Variants in SMAD6 observed in about 807,000 individuals in gnomAD.
SMAD6 encodes the protein MAD homolog 6.
Under a neutral mutation model 39.4 loss-of-function variants are expected in SMAD6, and 103 were observed. The ratio of observed to expected loss-of-function variants is 2.62; its 90% CI spans 2.23 to 3.08. SMAD6 has a LOEUF of 3.08. SMAD6 is among the 30% of genes most tolerant of loss of function. SMAD6 has a pLI of 0.00. For missense variants in SMAD6, 1,104 were observed against 742.9 expected (o/e 1.49, Z -5.65); for synonymous variants, 445 against 353.3 (o/e 1.26, Z -2.91).
chr15:66,707,462 C>T (rs1893138564), intron 1 of SMAD6: 1 of 152,220 alleles, frequency 6.6e-6, no homozygotes, highest in South Asian at 2.1e-4. Context: ...TTTATTTGGC[C>T]TGGCATTATC....
At chr15:66,772,099 TGTG>T (rs547671166) in intron 3 of SMAD6, among the ~76,000 whole-genome samples, 1 of 152,224 alleles carries the variant, frequency 6.6e-6, no homozygotes, top group Non-Finnish European at 1.5e-5. Flanking sequence ...TTGGAGTGGA[TGTG>T]GCTAGCTTCT....
intron 3 of SMAD6, among the ~76,000 whole-genome samples, chr15:66,749,737 G>A (rs1893968203): frequency 6.6e-6 from 1 of 152,186 alleles, no homozygotes; most frequent in Non-Finnish European, 1.5e-5. Context: ...AATGCATGGT[G>A]GAAGGTGCCT....
intron 1 of SMAD6, 89 bp downstream of exon 1, chr15:66,704,164 C>G: frequency 9.2e-7 from 1 of 1,086,592 alleles, no homozygotes; most frequent in Non-Finnish European, 1.2e-6. Flanking sequence ...CGGGTCGGCG[C>G]AGCTGCGGGT....
At chr15:66,743,488 G>T (rs1259554254) in intron 3 of SMAD6, among the ~76,000 whole-genome samples, 1 of 152,018 alleles carries the variant, frequency 6.6e-6, no homozygotes, top group Non-Finnish European at 1.5e-5. Flanking sequence ...TAGAAAAGAG[G>T]CTCTCAGAGA....
intron 3 of SMAD6, among the ~76,000 whole-genome samples, chr15:66,771,653 G>C (rs1167152542): frequency 6.6e-6 from 1 of 152,194 alleles, no homozygotes; most frequent in African/African-American, 2.4e-5. Context: ...GGTGGGCTCA[G>C]GGTCGGGATT....
intron 3 of SMAD6, among the ~76,000 whole-genome samples, chr15:66,763,923 A>G (rs1894247376): frequency 6.6e-6 from 1 of 152,240 alleles, no homozygotes. Flanking sequence ...TGCCAGAGCC[A>G]AGGGCTGCCA....
intron 1 of SMAD6, 42 bp from the exon 2 acceptor site, chr15:66,711,626 C>T (rs1459876171): frequency 6.6e-7 from 1 of 1,506,092 alleles, no homozygotes; most frequent in Non-Finnish European, 9.2e-7. Context: ...GAGGTGTGAG[C>T]TCCCCAACCC....
At chr15:66,737,549 T>C (rs879648300) in intron 3 of SMAD6, among the ~76,000 whole-genome samples, 17 of 152,168 alleles carry the variant, frequency 1.1e-4, no homozygotes, top group Admixed American at 1.0e-3. Flanking sequence ...AAGGGTTTTG[T>C]TGGGTGAGTG....
intron 3 of SMAD6, among the ~76,000 whole-genome samples, chr15:66,759,315 C>T (rs1311569910): frequency 1.3e-5 from 2 of 150,040 alleles, no homozygotes; most frequent in Admixed American, 6.8e-5. Flanking sequence ...CAGAAGTGCA[C>T]AGACCTACTG....
Position 66,714,366 on chromosome 15 carries a change from G to T in SMAD6, c.875-2055G>T, listed in dbSNP as rs571814988. 7.9e-5 allele frequency among the ~76,000 whole-genome samples: 12 copies of T among 151,462 alleles called. No individual in the cohort carries two copies. In the South Asian group the frequency reaches 1.7e-3, roughly 21 times the overall value. On this transcript the variant is annotated intron_variant, in intron 2 of 3. Coordinates refer to ENST00000288840, the MANE Select transcript of SMAD6 (RefSeq NM_005585.5). ...TTATATGGTTTGCAAGCTACGAATG[G>T]CCTTTATTTTTGAAGTGGTTAAAAA...
rs367638079 is a variant in SMAD6 at position 66,712,448 on chromosome 15, G to A, written c.874+724G>A. ...AATCCCAGCACTTTGGGAGGCCAAG[G>A]AGGACAGATCACTTGAGGTTAGGAG... On this transcript the variant is annotated intron_variant, in intron 2 of 3. Coordinates refer to ENST00000288840, the MANE Select transcript of SMAD6 (RefSeq NM_005585.5). 1.7e-4 allele frequency among the ~76,000 whole-genome samples: 26 copies of A among 152,274 alleles called. No homozygotes were observed. In the East Asian group the frequency reaches 4.2e-3, roughly 25 times the overall value.
intron 3 of SMAD6, among the ~76,000 whole-genome samples, chr15:66,762,623 C>T (rs4357883): frequency 0.052 from 7,848 of 152,036 alleles, 309 homozygotes; most frequent in African/African-American, 0.11. Context: ...TGGGTCTTCA[C>T]AAATAAGTGA....
chr15:66,731,823 T>C (rs1363715881), intron 3 of SMAD6, among the ~76,000 whole-genome samples: 1 of 152,228 alleles, frequency 6.6e-6, no homozygotes, highest in African/African-American at 2.4e-5. Context: ...TGTACCATTT[T>C]GCAATCCCAA....
intron 2 of SMAD6, among the ~76,000 whole-genome samples, chr15:66,716,054 A>T (rs1275520697): frequency 6.6e-6 from 1 of 152,234 alleles, no homozygotes; most frequent in African/African-American, 2.4e-5. Context: ...TAATGGTTGT[A>T]ATTAAGTACA....
intron 3 of SMAD6, among the ~76,000 whole-genome samples, chr15:66,739,151 T>C (rs1032527364): frequency 5.3e-5 from 8 of 149,850 alleles, no homozygotes; most frequent in East Asian, 4.0e-4. Context: ...AGTGCAATAG[T>C]GCAGTCTCGG....
Position 66,703,857 on chromosome 15 carries a change from G to A in SMAD6, c.599G>A (p.Gly200Asp). Residue 200 changes from glycine to aspartate, a missense_variant, in exon 1 of 4, where the codon GGC becomes GAC. Transcript: ENST00000288840. ...CTGGAGGCGGTGGAGTCCCGCGGCG[G>A]CGTGCCGGGCGGCTGCGTGCTGGTG... ...TLLEAVESRG[G>D]VPGGCVLVPR... 3 of 1,346,610 alleles carry A rather than the reference G, an allele frequency of 2.2e-6. No homozygotes were observed. The highest frequency in any genetic ancestry group is 2.9e-6 in the Non-Finnish European group (3 of 1,038,622). 83.4% of individuals were successfully genotyped at this position (1,346,610 alleles called of 1,614,324 possible).
At chr15:66,740,184 C>A (rs934843635) in intron 3 of SMAD6, among the ~76,000 whole-genome samples, 1 of 152,248 alleles carries the variant, frequency 6.6e-6, no homozygotes, top group African/African-American at 2.4e-5. Context: ...CTCACCCTGG[C>A]AGTCCTCCCC....
intron 3 of SMAD6, among the ~76,000 whole-genome samples, chr15:66,727,237 G>T (rs1223345837): frequency 6.6e-6 from 1 of 151,998 alleles, no homozygotes; most frequent in Non-Finnish European, 1.5e-5. Context: ...CGAGTAGCTG[G>T]GACTACAAGC....
intron 3 of SMAD6, among the ~76,000 whole-genome samples, chr15:66,722,171 A>C (rs544206848): frequency 6.6e-6 from 1 of 152,296 alleles, no homozygotes; most frequent in South Asian, 2.1e-4. Context: ...CAGCTCCGTG[A>C]ATTTTCACAG....
Sources: allele counts gnomAD v4.1 joint callset (sites outside exome capture counted in the v4.1 genomes callset), GRCh38; gene constraint gnomAD v4.1.1; transcripts MANE v1.5; gene names NCBI Gene and HGNC (gene_info 2026-07-23, HGNC 2026-07-21).